The following HERC5 variants were observed in gnomAD, a reference collection of about 807,000 sequenced individuals.
The protein encoded by HERC5 is HECT and RLD domain containing E3 ubiquitin protein ligase 5.
A neutral mutation model predicts 119.6 loss-of-function variants in HERC5; 99 were observed. The ratio of observed to expected loss-of-function variants is 0.83; its 90% CI spans 0.70 to 0.98. HERC5 has a LOEUF of 0.98. Among genes scored for constraint, HERC5 ranks in the 50% least tolerant of loss-of-function variants. The probability of loss-of-function intolerance (pLI) is 0.00; values close to 1 mark genes in which losing one functional copy is unlikely to be tolerated. For missense variants in HERC5, 1,267 were observed against 1,241.3 expected (o/e 1.02, Z -0.31); for synonymous variants, 478 against 445.9 (o/e 1.07, Z -0.91).
At position 88,494,213 on chromosome 4, in the gene HERC5, C is replaced by A; in HGVS notation, c.2326C>A (p.Leu776Ile). ...RYFFFGVLCG[L>I]SLFNCNVANL... ...CTTCTTTTTTGGGGTTCTATGTGGACTTTCCCTGTTCAATTGCAATGTTGC... is the reference window on the plus strand; with the variant it reads ...CTTCTTTTTTGGGGTTCTATGTGGAATTTCCCTGTTCAATTGCAATGTTGC... The change falls in exon 18 of 23, where the codon CTT (leucine) becomes ATT (isoleucine). Residue 776 changes from leucine to isoleucine, a missense_variant. Around this residue, in one of 3 missense-constraint regions of HERC5, gnomAD observed 473 missense variants for 445.7 expected, o/e 1.06. Coordinates refer to ENST00000264350, the MANE Select transcript of HERC5 (RefSeq NM_016323.4). The A allele has an allele frequency of 1.2e-6, 2 of 1,612,968 alleles. No individual in the cohort carries two copies. The highest frequency in any genetic ancestry group is 1.7e-6 in the Non-Finnish European group (2 of 1,179,526).
chr4:88,468,254 C>A, intron 7 of HERC5, 92 bp from the exon 8 acceptor site: 3 of 883,122 alleles, frequency 3.4e-6, no homozygotes, highest in South Asian at 3.5e-5. Context: ...AAGATGACTA[C>A]GTTTAAGAAG....
chr4:88,475,835 C>G lies in HERC5; in HGVS notation c.1393-6C>G. ...ATCCCTTTTCCCTGTTCCTTTCTGA[C>G]CACAGATAACCACCTGCCTCAAAGA... On this transcript the variant is annotated splice_polypyrimidine_tract_variant and splice_region_variant and intron_variant, in intron 11 of 22. Coordinates refer to ENST00000264350, the MANE Select transcript of HERC5 (RefSeq NM_016323.4). The G allele has an allele frequency of 6.2e-7, 1 of 1,613,176 alleles. No homozygotes were observed. The highest frequency in any genetic ancestry group is 1.3e-5 in the African/African-American group (1 of 74,956).
chr4:88,492,980 G>A, intron 16 of HERC5, 32 bp from the exon 17 acceptor site: 2 of 1,609,384 alleles, frequency 1.2e-6, no homozygotes, highest in Non-Finnish European at 8.5e-7. Flanking sequence ...TAGAGCCCTG[G>A]AAGTGATGTA....
intron 18 of HERC5, among the ~76,000 whole-genome samples, chr4:88,497,087 T>C (rs965729759): frequency 6.6e-6 from 1 of 152,194 alleles, no homozygotes; most frequent in Admixed American, 6.5e-5. Flanking sequence ...TCCAGAACCG[T>C]GAGCAATAAA....
At chr4:88,462,383 T>A in intron 4 of HERC5, 27 bp downstream of exon 4, 1 of 1,570,254 alleles carries the variant, frequency 6.4e-7, no homozygotes, top group Non-Finnish European at 8.8e-7. Context: ...CAGATTCCTA[T>A]TACCAACAGA....
At chr4:88,498,714 G>A (rs1332237650) in intron 18 of HERC5, among the ~76,000 whole-genome samples, 1 of 152,160 alleles carries the variant, frequency 6.6e-6, no homozygotes, top group Non-Finnish European at 1.5e-5. Flanking sequence ...GGAATTACTG[G>A]CACATGCCAC....
chr4:88,503,173 T>A (rs1241204583), intron 20 of HERC5, among the ~76,000 whole-genome samples: 1 of 152,170 alleles, frequency 6.6e-6, no homozygotes, highest in Non-Finnish European at 1.5e-5. Flanking sequence ...CTTTAATTGA[T>A]TTTTTAGTAA....
chr4:88,457,799 C>A, intron 1 of HERC5: 1 of 731,218 alleles, frequency 1.4e-6, no homozygotes, highest in Non-Finnish European at 1.9e-6. Context: ...CGGGCACCGT[C>A]TTCATCCTTT....
intron 11 of HERC5, among the ~76,000 whole-genome samples, chr4:88,474,938 A>T (rs1455313983): frequency 6.6e-6 from 1 of 152,232 alleles, no homozygotes; most frequent in Admixed American, 6.5e-5. Flanking sequence ...TGATCTAAGC[A>T]CACATAACAA....
chr4:88,477,664 A>G (rs995322984), intron 12 of HERC5, among the ~76,000 whole-genome samples: 2 of 151,908 alleles, frequency 1.3e-5, no homozygotes, highest in African/African-American at 4.8e-5. Context: ...TGTCTTGTAG[A>G]CTGTCCCACA....
Position 88,475,827 on chromosome 4 carries a change from C to G in HERC5, c.1393-14C>G, listed in dbSNP as rs745980731. Reference sequence around the variant, plus strand: ...AGTTTTGAATCCCTTTTCCCTGTTCCTTTCTGACCACAGATAACCACCTGC... The same window carrying G: ...AGTTTTGAATCCCTTTTCCCTGTTCGTTTCTGACCACAGATAACCACCTGC... On this transcript the variant is annotated splice_polypyrimidine_tract_variant and intron_variant, in intron 11 of 22. Transcript: ENST00000264350. 4 of 1,612,562 alleles carry G rather than the reference C, an allele frequency of 2.5e-6. No homozygotes were observed. In the South Asian group the frequency reaches 4.4e-5, roughly 18 times the overall value.
chr4:88,500,003 A>G lies in HERC5; in HGVS notation c.2511+11A>G. The G allele has an allele frequency of 1.3e-6, 2 of 1,495,164 alleles. No individual in the cohort carries two copies. Among genetic ancestry groups the G allele is most frequent in the Non-Finnish European group, 1.9e-6 (2 of 1,072,212 alleles). 92.6% of individuals were successfully genotyped at this position (1,495,164 alleles called of 1,614,324 possible). The stretch of plus-strand genomic sequence containing the variant: ...TACATCCATTTTAATGTGAGTAACA[A>G]TAAAAGCAGATAACAGATTAGTTTT... On this transcript the variant is annotated intron_variant, in intron 19 of 22. Transcript: ENST00000264350.
At chr4:88,488,050 C>T (rs1452280930) in intron 15 of HERC5, among the ~76,000 whole-genome samples, 1 of 151,956 alleles carries the variant, frequency 6.6e-6, no homozygotes, top group Non-Finnish European at 1.5e-5. Context: ...TTTATGAGTT[C>T]TGAGTATGAC....
chr4:88,473,857 T>C (rs1331853293), intron 11 of HERC5: 3 of 152,196 alleles, frequency 2.0e-5, no homozygotes, highest in Non-Finnish European at 4.4e-5. Context: ...GTTTACTAAT[T>C]ATACCTTGAT....
intron 18 of HERC5, among the ~76,000 whole-genome samples, chr4:88,497,852 C>G (rs868826592): frequency 3.3e-5 from 5 of 152,192 alleles, no homozygotes; most frequent in African/African-American, 1.2e-4. Context: ...TCAGAGATCA[C>G]TGGGGGCTGT....
chr4:88,479,594 C>T (rs1352491985), intron 13 of HERC5, 87 bp downstream of exon 13: 2 of 1,075,374 alleles, frequency 1.9e-6, no homozygotes, highest in South Asian at 2.3e-5. Flanking sequence ...TAAGTAGACT[C>T]GTGTGAGACA....
At chr4:88,461,674 G>A (rs947565232) in intron 3 of HERC5, among the ~76,000 whole-genome samples, 2 of 152,096 alleles carry the variant, frequency 1.3e-5, no homozygotes, top group African/African-American at 4.8e-5. Context: ...TCAAGAAACT[G>A]TAATTTGAAA....
Position 88,467,179 on chromosome 4 carries a change from A to G in HERC5, c.1032A>G (p.Val344=). 6.2e-7 allele frequency: 1 copy of G among 1,614,204 alleles called. No homozygotes were observed. The highest frequency in any genetic ancestry group is 8.5e-7 in the Non-Finnish European group (1 of 1,180,014). ...RDQLMPLPVK[V]SSSEELKLES... is the part of the protein sequence containing the mutation. ...AGCTGATGCCGCTTCCAGTGAAAGT[A>G]TCATCAAGTGAAGAACTCAAACTTG... The change falls in exon 7 of 23, where the codon GTA becomes GTG. Residue 344 remains valine (V), a synonymous_variant. Coordinates refer to ENST00000264350, the MANE Select transcript of HERC5 (RefSeq NM_016323.4).
chr4:88,504,446 C>A, intron 21 of HERC5, 31 bp downstream of exon 21: 1 of 1,567,576 alleles, frequency 6.4e-7, no homozygotes. Context: ...TGATTAAATT[C>A]AGTTTTCCTT....
Sources: allele counts gnomAD v4.1 joint callset (sites outside exome capture counted in the v4.1 genomes callset), GRCh38; gene constraint gnomAD v4.1.1; regional missense constraint gnomAD v4.1.1; transcripts MANE v1.5; gene names NCBI Gene and HGNC (gene_info 2026-07-23, HGNC 2026-07-21).